The following STX3 variants were observed in gnomAD, a reference collection of about 807,000 sequenced individuals.
STX3 encodes the protein syntaxin 3, also known as syntaxin-3.
STX3 carries 19 observed loss-of-function variants against 40.2 expected under a neutral mutation model. The observed-to-expected ratio is 0.47, with a 90% CI of 0.33 to 0.69. The LOEUF is 0.69. STX3 is among the 30% of genes least tolerant of loss of function. The pLI, the probability that STX3 is intolerant of heterozygous loss-of-function variation, is 0.02. For synonymous variants in STX3, 122 were observed against 132.2 expected, an observed-to-expected ratio of 0.92 and a Z score of 0.53; for missense variants, 364 against 366.7, an observed-to-expected ratio of 0.99 and a Z score of 0.06.
chr11:59,805,189 A>AAAAAAAAAAAACAAAC lies in STX3; in HGVS notation c.*4368_*4369insAAAAAAAACAAACAAA, dbSNP rs750358696. 1 of 149,510 alleles carries AAAAAAAAAAAACAAAC rather than the reference A, an allele frequency of 6.7e-6. No homozygotes were observed. 9.3% of individuals were successfully genotyped at this position (149,510 alleles called of 1,614,324 possible). A position where few individuals can be genotyped will look rare whatever the true frequency, so the allele number is the denominator to read the frequency against. Reference sequence around the variant, plus strand: ...CTAAATTCCATCTAAAAAAAAAAAAAAAACAAAAAAAAAAAACTGTTCTTA... The same window carrying AAAAAAAAAAAACAAAC: ...CTAAATTCCATCTAAAAAAAAAAAAAAAAAAAAAAAACAAACAAACAAAAAAAAAAAACTGTTCTTA... On this transcript the variant is annotated 3_prime_UTR_variant, in exon 11 of 11. Coordinates refer to ENST00000337979, the MANE Select transcript of STX3 (RefSeq NM_004177.5).
At chr11:59,757,709 T>C (rs1862797481) in intron 1 of STX3, among the ~76,000 whole-genome samples, 1 of 152,142 alleles carries the variant, frequency 6.6e-6, no homozygotes, top group African/African-American at 2.4e-5. Flanking sequence ...GGGACACAGG[T>C]GGCAGGTTCC....
intron 2 of STX3, chr11:59,781,509 T>G: frequency 6.2e-7 from 1 of 1,613,966 alleles, no homozygotes; most frequent in Non-Finnish European, 8.5e-7. Flanking sequence ...TTCAAACTTC[T>G]CTCCCAGGGT....
chr11:59,761,147 G>T (rs1371682405), intron 1 of STX3, among the ~76,000 whole-genome samples: 1 of 152,148 alleles, frequency 6.6e-6, no homozygotes, highest in Non-Finnish European at 1.5e-5. Flanking sequence ...GAGTTCCAAG[G>T]CTCCTAACTA....
chr11:59,781,085 C>CT (rs67745750), intron 2 of STX3, among the ~76,000 whole-genome samples: 5,209 of 116,006 alleles, frequency 0.045, 129 homozygotes, highest in African/African-American at 0.073. Context: ...CATTTGTTTT[C>CT]TTTTTTTTTT....
At chr11:59,800,356 A>G (rs1235414125) in intron 10 of STX3, 2 of 985,288 alleles carry the variant, frequency 2.0e-6, no homozygotes, top group Non-Finnish European at 2.4e-6. Flanking sequence ...GGAAAGAGCA[A>G]TGAAGTTAAG....
chr11:59,786,309 G>A (rs1393422075), intron 2 of STX3, among the ~76,000 whole-genome samples: 1 of 147,518 alleles, frequency 6.8e-6, no homozygotes, highest in Non-Finnish European at 1.5e-5. Context: ...GTGCGAACTC[G>A]GCTCACTGCA....
chr11:59,763,584 C>A (rs989288116), intron 1 of STX3, among the ~76,000 whole-genome samples: 117 of 152,266 alleles, frequency 7.7e-4, no homozygotes, highest in African/African-American at 2.4e-3. Context: ...TCATATAGGC[C>A]GTTTCCTAAC....
At chr11:59,797,823 T>C (rs1484342938) in intron 10 of STX3, among the ~76,000 whole-genome samples, 1 of 152,234 alleles carries the variant, frequency 6.6e-6, no homozygotes, top group East Asian at 1.9e-4. Context: ...AAACTCTGAA[T>C]TGGGATTTGG....
Position 59,775,127 on chromosome 11 carries a change from C to T in STX3, c.114+1833C>T, listed in dbSNP as rs79860030. On this transcript the variant is annotated intron_variant, in intron 2 of 10. Coordinates refer to ENST00000337979, the MANE Select transcript of STX3 (RefSeq NM_004177.5). ...CTGAAAGGAATGGAGTGGGGCATGA[C>T]GGTTCGTGCCCATTTATCTGTTAGA... Among the ~76,000 whole-genome samples, 1,387 of 152,242 alleles carry T rather than the reference C, an allele frequency of 9.1e-3. 10 individuals carry two copies. The highest frequency in any genetic ancestry group is 0.016 in the Non-Finnish European group (1,090 of 68,008).
intron 1 of STX3, among the ~76,000 whole-genome samples, chr11:59,758,240 G>T (rs189841627): frequency 1.3e-5 from 2 of 152,236 alleles, no homozygotes; most frequent in Non-Finnish European, 2.9e-5. Context: ...CCTCCAGCAT[G>T]GGAAGGAAGC....
chr11:59,771,393 T>TC lies in STX3; in HGVS notation c.31-1812dup, dbSNP rs1234603609. ...TCTTCCTGCATAAATTTGCCCCCCG[T>TC]CCCCCCACCTCCCCCCCCCCGCCCG... is the stretch of plus-strand genomic sequence containing the variant. On this transcript the variant is annotated intron_variant, in intron 1 of 10. Coordinates refer to ENST00000337979, the MANE Select transcript of STX3 (RefSeq NM_004177.5). Among the ~76,000 whole-genome samples the TC allele has an allele frequency of 4.7e-3, 281 of 60,278 alleles. 1 individual carries two copies. The highest frequency in any genetic ancestry group is 0.011 in the African/African-American group (122 of 11,260). 39.5% of individuals were successfully genotyped at this position (60,278 alleles called of 152,430 possible). A position where few individuals can be genotyped will look rare whatever the true frequency, so the allele number is the denominator to read the frequency against.
At position 59,772,726 on chromosome 11, in the gene STX3, T is replaced by G. The variant is rs183494130; in HGVS notation, c.31-485T>G. The stretch of plus-strand genomic sequence containing the variant: ...TACCTAACCTCCCTAAGTTTTAGGT[T>G]CCTCAACTGTAGTGAGTTACAGTAA... On this transcript the variant is annotated intron_variant, in intron 1 of 10. Transcript: ENST00000337979. Among the ~76,000 whole-genome samples the G allele has an allele frequency of 3.7e-3, 568 of 152,236 alleles. 1 individual carries two copies. Among genetic ancestry groups the G allele is most frequent in the Non-Finnish European group, 6.2e-3 (422 of 68,022 alleles).
At position 59,802,086 on chromosome 11, in the gene STX3, C is replaced by G. The variant is rs1183679683; in HGVS notation, c.*1262C>G. On this transcript the variant is annotated 3_prime_UTR_variant, in exon 11 of 11. Coordinates refer to ENST00000337979, the MANE Select transcript of STX3 (RefSeq NM_004177.5). Reference sequence around the variant, plus strand: ...TGCTAGGCTTGTCCTGAGAACATCCCTCAGTAACTTGATATTCACATGACC... The same window carrying G: ...TGCTAGGCTTGTCCTGAGAACATCCGTCAGTAACTTGATATTCACATGACC... The G allele has an allele frequency of 2.0e-6, 2 of 985,306 alleles. No individual in the cohort carries two copies. Among genetic ancestry groups the G allele is most frequent in the Non-Finnish European group, 2.4e-6 (2 of 829,944 alleles). The allele number at this position is 985,306 out of a possible 1,614,324, so 61.0% of individuals were successfully genotyped here. A position where few individuals can be genotyped will look rare whatever the true frequency, so the allele number is the denominator to read the frequency against.
At chr11:59,779,402 A>T (rs1864205110) in intron 2 of STX3, among the ~76,000 whole-genome samples, 1 of 152,184 alleles carries the variant, frequency 6.6e-6, no homozygotes, top group South Asian at 2.1e-4. Context: ...CACAGTCATG[A>T]GGGCTCCACC....
intron 4 of STX3, among the ~76,000 whole-genome samples, chr11:59,790,159 A>G (rs369638579): frequency 5.3e-5 from 8 of 152,142 alleles, no homozygotes; most frequent in African/African-American, 1.7e-4. Context: ...TTTAATCTTC[A>G]CATTAGTATT....
At chr11:59,795,827 A>C (rs1865488877) in intron 9 of STX3, 1 of 858,586 alleles carries the variant, frequency 1.2e-6, no homozygotes, top group African/African-American at 1.7e-5. Flanking sequence ...TCGTAGCCTC[A>C]TCAACCCCTC....
intron 1 of STX3, among the ~76,000 whole-genome samples, chr11:59,757,557 T>A (rs1247254808): frequency 6.6e-6 from 1 of 152,182 alleles, no homozygotes; most frequent in Non-Finnish European, 1.5e-5. Context: ...ATGGAATTAA[T>A]GATAGGTTTC....
intron 5 of STX3, 29 bp from the exon 6 acceptor site, chr11:59,792,078 G>C (rs1865210540): frequency 1.1e-5 from 17 of 1,573,306 alleles, no homozygotes; most frequent in Non-Finnish European, 1.5e-5. Flanking sequence ...AACCACTGGG[G>C]CCTGACTGCA....
At chr11:59,756,938 T>A (rs557833039) in intron 1 of STX3, among the ~76,000 whole-genome samples, 3 of 152,316 alleles carry the variant, frequency 2.0e-5, no homozygotes, top group African/African-American at 7.2e-5. Context: ...CTTGCTTGGA[T>A]GAGACCTTCA....
Sources: gnomAD v4.1 joint callset for allele counts (sites outside exome capture counted in the v4.1 genomes callset) on GRCh38, gnomAD v4.1.1 for gene constraint, MANE v1.5 for transcripts, NCBI Gene and HGNC (gene_info 2026-07-23, HGNC 2026-07-21) for gene names.